ARHGAP32: variants seen among roughly 807,000 people sequenced by gnomAD.
The protein encoded by ARHGAP32 is Rho GTPase activating protein 32.
Under a neutral mutation model 186.5 loss-of-function variants are expected in ARHGAP32, and 51 were observed. The observed-to-expected ratio is 0.27, with a 90% confidence interval of 0.22 to 0.35. The LOEUF (loss-of-function observed/expected upper bound fraction) is 0.35. ARHGAP32 is among the 10% of genes least tolerant of loss of function. The pLI, the probability that ARHGAP32 is intolerant of heterozygous loss-of-function variation, is 1.00. For missense variants in ARHGAP32, 2,186 were observed against 2,623.5 expected (o/e 0.83, Z 3.64); for synonymous variants, 950 against 964.3 (o/e 0.99, Z 0.27).
At chr11:129,024,820 G>A (rs979418218) in intron 11 of ARHGAP32, among the ~76,000 whole-genome samples, 36 of 152,124 alleles carry the variant, frequency 2.4e-4, no homozygotes, top group African/African-American at 8.2e-4. Flanking sequence ...GAAAATCTTT[G>A]GCAACTATTA....
chr11:129,235,133 G>A (rs1213876483), intron 1 of ARHGAP32, among the ~76,000 whole-genome samples: 1 of 152,146 alleles, frequency 6.6e-6, no homozygotes, highest in African/African-American at 2.4e-5. Context: ...CCACGTGAAG[G>A]GAGTGTGGCC....
chr11:129,087,858 A>G (rs748885389), intron 6 of ARHGAP32, among the ~76,000 whole-genome samples: 6 of 152,202 alleles, frequency 3.9e-5, no homozygotes, highest in South Asian at 2.1e-4. Context: ...TGGGAACTCT[A>G]TATTTCCTGT....
chr11:129,125,431 A>G (rs1942637712), intron 2 of ARHGAP32, among the ~76,000 whole-genome samples: 1 of 152,132 alleles, frequency 6.6e-6, no homozygotes, highest in Admixed American at 6.5e-5. Flanking sequence ...TGAAAAATCA[A>G]AAAGTTCTTA....
intron 2 of ARHGAP32, among the ~76,000 whole-genome samples, chr11:129,151,957 C>T (rs1165864087): frequency 6.8e-6 from 1 of 146,064 alleles, no homozygotes; most frequent in Non-Finnish European, 1.5e-5. Flanking sequence ...AAAGAACAAA[C>T]AAAATTGATA....
intron 11 of ARHGAP32, among the ~76,000 whole-genome samples, chr11:129,004,763 T>C (rs1937672926): frequency 6.6e-6 from 1 of 152,170 alleles, no homozygotes; most frequent in African/African-American, 2.4e-5. Flanking sequence ...TGTATCTTTA[T>C]AGATGAAGTG....
At chr11:129,116,995 A>C (rs536557523) in intron 5 of ARHGAP32, among the ~76,000 whole-genome samples, 1 of 152,056 alleles carries the variant, frequency 6.6e-6, no homozygotes, top group Non-Finnish European at 1.5e-5. Flanking sequence ...TGACGACCAG[A>C]GACATTAAGA....
Position 129,269,925 on chromosome 11 carries a change from A to C in ARHGAP32, c.-5+9221T>G, listed in dbSNP as rs554340001. 1.2e-3 allele frequency among the ~76,000 whole-genome samples: 184 copies of C among 152,324 alleles called. 2 individuals carry two copies. Among genetic ancestry groups the C allele is most frequent in the Middle Eastern group, 3.4e-3 (1 of 294 alleles). On this transcript the variant is annotated intron_variant, in intron 1 of 6. Transcript: ENST00000525234. Reference sequence around the variant, plus strand: ...TCATTCACTATTGGTGAGGTTGTAAAATGGCACAGCCACTTGGGAAGACAG... The same window carrying C: ...TCATTCACTATTGGTGAGGTTGTAACATGGCACAGCCACTTGGGAAGACAG...
At chr11:129,266,947 C>T (rs1945408834) in intron 1 of ARHGAP32, among the ~76,000 whole-genome samples, 1 of 152,216 alleles carries the variant, frequency 6.6e-6, no homozygotes, top group Non-Finnish European at 1.5e-5. Context: ...ATTTACAACC[C>T]TAGGCCAAAG....
At chr11:129,193,563 A>T (rs1409288063), upstream of ARHGAP32, among the ~76,000 whole-genome samples, 125 of 12,206 alleles carry the variant, frequency 0.01, 6 homozygotes, top group African/African-American at 0.069. Flanking sequence ...TATATATATT[A>T]TATATAATAT....
At chr11:129,036,792 C>T (rs1006934612) in intron 11 of ARHGAP32, among the ~76,000 whole-genome samples, 1 of 152,106 alleles carries the variant, frequency 6.6e-6, no homozygotes, top group Admixed American at 6.5e-5. Context: ...AGATGATTTC[C>T]CCTAAAATCA....
chr11:128,997,085 C>T (rs1946221607), intron 12 of ARHGAP32, among the ~76,000 whole-genome samples: 1 of 152,166 alleles, frequency 6.6e-6, no homozygotes, highest in Non-Finnish European at 1.5e-5. Context: ...AGTGAAAACT[C>T]TGCTTTTCTA....
chr11:129,064,081 T>C, intron 8 of ARHGAP32, 57 bp from the exon 9 acceptor site: 3 of 1,473,972 alleles, frequency 2.0e-6, no homozygotes, highest in Non-Finnish European at 2.7e-6. Context: ...AATGCTTCTT[T>C]GACTATCTAT....
At chr11:129,270,484 C>A (rs1363271477) in intron 1 of ARHGAP32, among the ~76,000 whole-genome samples, 1 of 151,502 alleles carries the variant, frequency 6.6e-6, no homozygotes, top group Admixed American at 6.6e-5. Context: ...GGTACAACAC[C>A]AAGAGTCAGT....
intron 10 of ARHGAP32, among the ~76,000 whole-genome samples, chr11:129,056,855 A>G (rs1940272742): frequency 6.6e-6 from 1 of 152,138 alleles, no homozygotes; most frequent in African/African-American, 2.4e-5. Flanking sequence ...AGCCTCCATC[A>G]TGGGAAGCAG....
At chr11:129,137,671 T>C (rs1189743798) in intron 2 of ARHGAP32, among the ~76,000 whole-genome samples, 1 of 151,990 alleles carries the variant, frequency 6.6e-6, no homozygotes, top group Non-Finnish European at 1.5e-5. Flanking sequence ...TCATAAGAGA[T>C]ACAAATATAA....
intron 1 of ARHGAP32, among the ~76,000 whole-genome samples, chr11:129,243,079 C>T (rs992751285): frequency 6.6e-6 from 1 of 152,156 alleles, no homozygotes; most frequent in African/African-American, 2.4e-5. Flanking sequence ...CCAATTACCC[C>T]CTACATAGCA....
intron 1 of ARHGAP32, among the ~76,000 whole-genome samples, chr11:129,273,410 A>C (rs549642369): frequency 6.6e-6 from 1 of 152,316 alleles, no homozygotes; most frequent in South Asian, 2.1e-4. Context: ...ACAAGAAGGA[A>C]GGTCTGTCAG....
chr11:129,210,091 A>G (rs890536891), intron 1 of ARHGAP32, among the ~76,000 whole-genome samples: 2 of 152,200 alleles, frequency 1.3e-5, no homozygotes, highest in Admixed American at 6.5e-5. Context: ...TTTGCCTAAC[A>G]GCTGATGCAG....
Position 128,969,655 on chromosome 11 carries a change from G to C in ARHGAP32, c.5558C>G (p.Ala1853Gly). ...GCTACCATGGCCTCCGTGATGGTGGGCTCTGTCCATCTCTGCCTCGGGATG... is the reference window on the plus strand; with the variant it reads ...GCTACCATGGCCTCCGTGATGGTGGCCTCTGTCCATCTCTGCCTCGGGATG... ...RRHPEAEMDR[A>G]HHHGGHGSTQ... The change falls in exon 23 of 23, where the codon GCC becomes GGC. Residue 1853 changes from alanine to glycine, a missense_variant. Transcript: ENST00000682385. The surrounding 1 kb of genome is among the most constrained non-coding windows in gnomAD (Gnocchi z 4.8). 2 of 1,614,036 alleles carry C rather than the reference G, an allele frequency of 1.2e-6. No homozygotes were observed. The highest frequency in any genetic ancestry group is 1.7e-6 in the Non-Finnish European group (2 of 1,180,030).
Sources: gnomAD v4.1 joint callset for allele counts (sites outside exome capture counted in the v4.1 genomes callset) on GRCh38, gnomAD v4.1.1 for gene constraint, Gnocchi (gnomAD v3.1) non-coding constraint, MANE v1.5 for transcripts, NCBI Gene and HGNC (gene_info 2026-07-23, HGNC 2026-07-21) for gene names.